Variants in LONRF1 observed in about 807,000 individuals in gnomAD.
LONRF1 encodes LON peptidase N-terminal domain and ring finger 1.
Under a neutral mutation model 85.8 loss-of-function variants are expected in LONRF1, and 37 were observed. The ratio of observed to expected loss-of-function variants is 0.43; its 90% confidence interval spans 0.33 to 0.57. The LOEUF is 0.57. Ranked by LOEUF, LONRF1 falls within the 20% of genes least tolerant of loss-of-function variation. The pLI, the probability that LONRF1 is intolerant of heterozygous loss-of-function variation, is 0.04. For synonymous variants in LONRF1, 517 were observed against 390.1 expected, an observed-to-expected ratio of 1.33 and a Z score of -3.83; for missense variants, 1,036 against 978.0, an observed-to-expected ratio of 1.06 and a Z score of -0.79.
chr8:12,726,003 C>A lies in LONRF1; in HGVS notation c.2011-124G>T, dbSNP rs1585219208. 5.0e-6 allele frequency: 4 copies of A among 794,980 alleles called. No homozygotes were observed. The East Asian group carries it at 1.0e-4, about 21-fold the overall frequency. The allele number at this position is 794,980 out of a possible 1,614,324, so 49.2% of individuals were successfully genotyped here. Reference sequence around the variant, plus strand: ...GCAATACCTGTTTCAGTGCTGACGTCCCAGAGAGTATTATTCCTATGCTTT... The same window carrying A: ...GCAATACCTGTTTCAGTGCTGACGTACCAGAGAGTATTATTCCTATGCTTT... On this transcript the variant is annotated intron_variant, in intron 10 of 11. Coordinates refer to ENST00000398246, the MANE Select transcript of LONRF1 (RefSeq NM_152271.5).
At position 12,755,483 on chromosome 8, in the gene LONRF1, G is replaced by C; in HGVS notation, c.-63C>G. The C allele has an allele frequency of 2.2e-6, 2 of 922,010 alleles. No homozygotes were observed. Among genetic ancestry groups the C allele is most frequent in the Non-Finnish European group, 2.6e-6 (2 of 757,928 alleles). The allele number at this position is 922,010 out of a possible 1,614,324, so 57.1% of individuals were successfully genotyped here. Reference sequence around the variant, plus strand: ...CGGTCCCGGAGCCTCCCGGGCGCGCGGCTCCGCACGCGGCCCGCGAGCAGG... The same window carrying C: ...CGGTCCCGGAGCCTCCCGGGCGCGCCGCTCCGCACGCGGCCCGCGAGCAGG... On this transcript the variant is annotated 5_prime_UTR_variant, in exon 1 of 12. Transcript: ENST00000398246.
At chr8:12,740,818 A>T (rs1183289013) in intron 3 of LONRF1, 56 bp downstream of exon 3, 8 of 1,534,108 alleles carry the variant, frequency 5.2e-6, no homozygotes, top group Middle Eastern at 1.8e-4. Context: ...TTTTTTTTTT[A>T]AACCTGTCTG....
chr8:12,740,217 A>G (rs1798877936), intron 3 of LONRF1, among the ~76,000 whole-genome samples: 1 of 152,210 alleles, frequency 6.6e-6, no homozygotes, highest in South Asian at 2.1e-4. Context: ...AGATTTTCTC[A>G]AAGAATTTTT....
intron 11 of LONRF1, among the ~76,000 whole-genome samples, chr8:12,724,290 C>A (rs1281902597): frequency 6.6e-6 from 1 of 152,192 alleles, no homozygotes; most frequent in Non-Finnish European, 1.5e-5. Context: ...AAAGTGTGGG[C>A]AGGAACTTTC....
intron 7 of LONRF1, among the ~76,000 whole-genome samples, chr8:12,734,908 T>A (rs1798660417): frequency 6.6e-6 from 1 of 152,186 alleles, no homozygotes; most frequent in Non-Finnish European, 1.5e-5. Context: ...GTTCTAGATG[T>A]TGAGGAAGCT....
chr8:12,752,637 C>T (rs1799454061), intron 1 of LONRF1, among the ~76,000 whole-genome samples: 1 of 152,194 alleles, frequency 6.6e-6, no homozygotes. Flanking sequence ...TTACATCTTT[C>T]AGAGCCTTTT....
At chr8:12,747,257 G>A (rs954498815) in intron 1 of LONRF1, among the ~76,000 whole-genome samples, 1 of 152,128 alleles carries the variant, frequency 6.6e-6, no homozygotes. Flanking sequence ...TTTATTTCAT[G>A]GGTTGAAGAG....
chr8:12,745,002 T>C (rs887023246), intron 1 of LONRF1, among the ~76,000 whole-genome samples: 2 of 152,274 alleles, frequency 1.3e-5, no homozygotes, highest in East Asian at 1.9e-4. Flanking sequence ...ATCACCTTTA[T>C]ACAGTTTCTT....
chr8:12,738,240 T>A, intron 3 of LONRF1, 96 bp from the exon 4 acceptor site: 1 of 836,698 alleles, frequency 1.2e-6, no homozygotes, highest in Non-Finnish European at 1.7e-6. Context: ...GTAGAAAGTT[T>A]GTAGCAGACA....
intron 11 of LONRF1, among the ~76,000 whole-genome samples, chr8:12,724,379 T>C (rs2117213600): frequency 6.6e-6 from 1 of 152,264 alleles, no homozygotes; most frequent in Non-Finnish European, 1.5e-5. Context: ...TCCTAAGAAT[T>C]ATAGCCACTT....
intron 7 of LONRF1, among the ~76,000 whole-genome samples, chr8:12,733,249 T>G (rs1173932783): frequency 1.3e-5 from 2 of 152,158 alleles, no homozygotes; most frequent in Non-Finnish European, 2.9e-5. Flanking sequence ...CCATTATCAT[T>G]TTCTATTAAG....
intron 1 of LONRF1, among the ~76,000 whole-genome samples, chr8:12,744,271 A>C (rs1435463917): frequency 6.6e-6 from 1 of 152,142 alleles, no homozygotes; most frequent in Non-Finnish European, 1.5e-5. Context: ...CTCTCACTTG[A>C]GCAATTAATT....
At chr8:12,729,655 A>G (rs555243756) in intron 8 of LONRF1, among the ~76,000 whole-genome samples, 3 of 152,172 alleles carry the variant, frequency 2.0e-5, no homozygotes, top group Admixed American at 6.5e-5. Flanking sequence ...AATATTTTAT[A>G]TTAAAATCTG....
chr8:12,737,419 A>C (rs760959838), intron 4 of LONRF1: 5 of 590,614 alleles, frequency 8.5e-6, no homozygotes, highest in Admixed American at 2.2e-5. Flanking sequence ...TTTTCTTGTC[A>C]TTATTCCCTA....
At chr8:12,729,611 G>A (rs1429946491) in intron 8 of LONRF1, among the ~76,000 whole-genome samples, 1 of 151,970 alleles carries the variant, frequency 6.6e-6, no homozygotes, top group Non-Finnish European at 1.5e-5. Context: ...ACAGAGCTAA[G>A]TATGTTTATG....
Position 12,755,430 on chromosome 8 carries a change from A to T in LONRF1, c.-10T>A. On this transcript the variant is annotated 5_prime_UTR_variant, in exon 1 of 12. Transcript: ENST00000398246. The stretch of plus-strand genomic sequence containing the variant: ...CCGCCGGAGAGGACATGGCCCGCGG[A>T]GGGCTGCGCCGCCGCCGCCCGCCGC... 2 of 1,132,428 alleles carry T rather than the reference A, an allele frequency of 1.8e-6. No homozygotes were observed. Among genetic ancestry groups the T allele is most frequent in the Non-Finnish European group, 2.2e-6 (2 of 924,712 alleles). 70.1% of individuals were successfully genotyped at this position (1,132,428 alleles called of 1,614,324 possible). A position where few individuals can be genotyped will look rare whatever the true frequency, so the allele number is the denominator to read the frequency against.
At chr8:12,742,130 T>C (rs1197049509) in intron 2 of LONRF1, among the ~76,000 whole-genome samples, 1 of 152,222 alleles carries the variant, frequency 6.6e-6, no homozygotes, top group Admixed American at 6.5e-5. Context: ...TTTTCAATAG[T>C]TTTAAAGCCA....
At chr8:12,723,311 T>C (rs1805996643) in intron 11 of LONRF1, 57 bp from the exon 12 acceptor site, 6 of 1,508,110 alleles carry the variant, frequency 4.0e-6, no homozygotes, top group Non-Finnish European at 5.4e-6. Flanking sequence ...GTAACAACAG[T>C]AGCAAACCAC....
intron 10 of LONRF1, chr8:12,727,119 C>CT (rs368812604): frequency 0.25 from 33,215 of 133,710 alleles, 4,242 homozygotes; most frequent in East Asian, 0.35. Flanking sequence ...CTTGTTAAAT[C>CT]TTTTTTTTTT....
Sources: allele counts gnomAD v4.1 joint callset (sites outside exome capture counted in the v4.1 genomes callset), GRCh38; gene constraint gnomAD v4.1.1; transcripts MANE v1.5; gene names NCBI Gene and HGNC (gene_info 2026-07-23, HGNC 2026-07-21).